Variants in TAS1R1 observed in about 807,000 individuals in gnomAD.
The protein encoded by TAS1R1 is taste 1 receptor member 1, also known as taste receptor type 1 member 1.
A neutral mutation model predicts 45.8 loss-of-function variants in TAS1R1; 31 were observed. The ratio of observed to expected loss-of-function variants is 0.68; its 90% CI spans 0.51 to 0.91. TAS1R1 has a LOEUF of 0.91. Ranked by LOEUF, TAS1R1 falls within the 40% of genes least tolerant of loss-of-function variation. The pLI, the probability that TAS1R1 is intolerant of heterozygous loss-of-function variation, is 0.00. For synonymous variants in TAS1R1, 437 were observed against 448.4 expected, an observed-to-expected ratio of 0.97 and a Z score of 0.32; for missense variants, 1,051 against 1,063.9, an observed-to-expected ratio of 0.99 and a Z score of 0.17.
Position 6,574,675 on chromosome 1 carries a change from G to C in TAS1R1, c.543G>C (p.Gln181His), listed in dbSNP as rs759371152. 8 of 1,613,780 alleles carry C rather than the reference G, an allele frequency of 5.0e-6. No individual in the cohort carries two copies. The highest frequency in any genetic ancestry group is 5.1e-6 in the Non-Finnish European group (6 of 1,179,744). Residue 181 changes from glutamine (Q) to histidine (H), a missense_variant, in exon 3 of 6, where the codon CAG becomes CAC. By Grantham distance (24) the Gln-to-His change is conservative. Transcript: ENST00000333172. This position sits in a 1 kb window ranked among gnomAD's most constrained non-coding sequence, Gnocchi z 4.3. ...GCGAGACGCTCAGCGTGAAGCGGCA[G>C]TATCCCTCTTTCCTGCGCACCATCC... ...ASSETLSVKR[Q>H]YPSFLRTIPN...
rs538239763 is a variant in TAS1R1, at chr1:6,570,232, G to T, written c.192-677G>T. Among the ~76,000 whole-genome samples the T allele has an allele frequency of 4.6e-5, 7 of 152,230 alleles. No homozygotes were observed. The South Asian group carries it at 1.5e-3, about 32-fold the overall frequency. ...AGCCCAGGCTTACAGACTAGGGGGT[G>T]TAAGTATATTTTAGGGAGTGGGGGC... On this transcript the variant is annotated intron_variant, in intron 1 of 5. Coordinates refer to ENST00000333172, the MANE Select transcript of TAS1R1 (RefSeq NM_138697.4).
At position 6,563,312 on chromosome 1, in the gene TAS1R1, T is replaced by C. The variant is rs145870015; in HGVS notation, c.192-7597T>C. On this transcript the variant is annotated intron_variant, in intron 1 of 5. Coordinates refer to ENST00000333172, the MANE Select transcript of TAS1R1 (RefSeq NM_138697.4). ...AAGTCAGACCTGAGGGCAGGTTGCA[T>C]TGGATACACACAGGGGCTTGGAAAG... Among the ~76,000 whole-genome samples, 79 of 152,298 alleles carry C rather than the reference T, an allele frequency of 5.2e-4. 2 individuals carry two copies. In the East Asian group the frequency reaches 0.015, roughly 29 times the overall value.
In TAS1R1 at chr1:6,574,560, A is replaced by G. The variant is rs1036883979; in HGVS notation, c.499-71A>G. On this transcript the variant is annotated intron_variant, in intron 2 of 5. Transcript: ENST00000333172. This position sits in a 1 kb window ranked among gnomAD's most constrained non-coding sequence, Gnocchi z 4.3. The stretch of plus-strand genomic sequence containing the variant: ...TCTCCCCGGCTCCCTGTATCCCCAC[A>G]CCCAGCACAGGGCCAGGCACTGGGG... 60 of 1,525,818 alleles carry G rather than the reference A, an allele frequency of 3.9e-5. No homozygotes were observed. In the South Asian group the frequency reaches 7.5e-4, roughly 19 times the overall value. The allele number at this position is 1,525,818 out of a possible 1,614,324, so 94.5% of individuals were successfully genotyped here.
At chr1:6,559,739 A>C (rs1412436708) in intron 1 of TAS1R1, among the ~76,000 whole-genome samples, 2 of 151,654 alleles carry the variant, frequency 1.3e-5, no homozygotes, top group African/African-American at 2.4e-5. Flanking sequence ...AGGCTGAAGC[A>C]GGTGGATCAC....
chr1:6,557,785 T>G (rs1465032200), intron 1 of TAS1R1, among the ~76,000 whole-genome samples: 1 of 152,110 alleles, frequency 6.6e-6, no homozygotes, highest in African/African-American at 2.4e-5. Flanking sequence ...TCCAGGCTAG[T>G]CTCCACCTCC....
At position 6,575,118 on chromosome 1, in the gene TAS1R1, G is replaced by GGGCT; in HGVS notation, c.988_991dup (p.Val331GlyfsTer9). 1 of 1,585,782 alleles carries GGGCT rather than the reference G, an allele frequency of 6.3e-7. No individual in the cohort carries two copies. Among genetic ancestry groups the GGGCT allele is most frequent in the Non-Finnish European group, 8.6e-7 (1 of 1,166,522 alleles). On this transcript the variant is annotated frameshift_variant, in exon 3 of 6. Coordinates refer to ENST00000333172, the MANE Select transcript of TAS1R1 (RefSeq NM_138697.4). LOFTEE classifies it high-confidence loss of function. The stretch of plus-strand genomic sequence containing the variant: ...GTGCTGGGCGTGGCCATCCAGAAGA[G>GGGCT]GGCTGTCCCTGGCCTGAAGGCGTTT...
chr1:6,567,466 A>T (rs1639894442), intron 1 of TAS1R1, among the ~76,000 whole-genome samples: 1 of 151,782 alleles, frequency 6.6e-6, no homozygotes, highest in Admixed American at 6.6e-5. Flanking sequence ...AGGCTGAGGC[A>T]GGAGAATGGT....
intron 1 of TAS1R1, among the ~76,000 whole-genome samples, chr1:6,566,082 T>C (rs187220362): frequency 6.6e-6 from 1 of 152,264 alleles, no homozygotes; most frequent in East Asian, 1.9e-4. Context: ...GAGAGTCTTC[T>C]AGGGAAGGAC....
At chr1:6,562,998 G>A (rs1487980936) in intron 1 of TAS1R1, among the ~76,000 whole-genome samples, 1 of 152,190 alleles carries the variant, frequency 6.6e-6, no homozygotes, top group Non-Finnish European at 1.5e-5. Flanking sequence ...ATCGTTTTGT[G>A]TCTACCAGGA....
chr1:6,571,320 T>G (rs1275794613), intron 2 of TAS1R1, 105 bp downstream of exon 2: 3 of 1,270,834 alleles, frequency 2.4e-6, no homozygotes, highest in Non-Finnish European at 3.2e-6. Context: ...GCCCCCTGGA[T>G]CTCTTGGGTG....
At chr1:6,575,884 CG>C (rs1640158979) in intron 3 of TAS1R1, among the ~76,000 whole-genome samples, 1 of 152,066 alleles carries the variant, frequency 6.6e-6, no homozygotes, top group African/African-American at 2.4e-5. Context: ...TGAGTAGAGA[CG>C]GGGTTTCACC....
chr1:6,578,497 G>A (rs1367583552), intron 5 of TAS1R1, among the ~76,000 whole-genome samples, 156 bp from the exon 6 acceptor site: 4 of 152,190 alleles, frequency 2.6e-5, no homozygotes, highest in Non-Finnish European at 4.4e-5. Context: ...GAGGAAATGC[G>A]TGGCCTCAGG....
intron 3 of TAS1R1, 80 bp downstream of exon 3, chr1:6,575,472 C>T (rs1332019368): frequency 1.1e-5 from 15 of 1,421,252 alleles, no homozygotes; most frequent in Non-Finnish European, 1.3e-5. Context: ...TCTCCGGTCA[C>T]TCTAAATGCC....
rs375786707 is a variant in TAS1R1 at position 6,571,003 on chromosome 1, A to G, written c.286A>G (p.Ile96Val). The G allele has an allele frequency of 5.0e-6, 8 of 1,614,032 alleles. No homozygotes were observed. Among genetic ancestry groups the G allele is most frequent in the Non-Finnish European group, 5.9e-6 (7 of 1,180,028 alleles). ...INNSTALLPN[I>V]TLGYQLYDVC... The stretch of plus-strand genomic sequence containing the variant: ...CAACTCCACGGCCCTGCTGCCCAAC[A>G]TCACCCTGGGGTACCAGCTGTATGA... The change falls in exon 2 of 6, where the codon ATC becomes GTC. Residue 96 changes from isoleucine (I) to valine (V), a missense_variant. By Grantham distance (29) the Ile-to-Val change is conservative. Coordinates refer to ENST00000333172, the MANE Select transcript of TAS1R1 (RefSeq NM_138697.4).
chr1:6,564,340 C>T (rs1244244421), intron 1 of TAS1R1, among the ~76,000 whole-genome samples: 2 of 151,956 alleles, frequency 1.3e-5, no homozygotes, highest in South Asian at 2.1e-4. Context: ...TCGGCTTGTT[C>T]GTGGAGAAGA....
Position 6,555,866 on chromosome 1 carries a change from C to CCTTTTTTTTTTTTTTTTTT in TAS1R1, c.191+302_191+303insCTTTTTTTTTTTTTTTTTT. Among the ~76,000 whole-genome samples, 2 of 95,304 alleles carry CCTTTTTTTTTTTTTTTTTT rather than the reference C, an allele frequency of 2.1e-5. 1 individual carries two copies. Among genetic ancestry groups the CCTTTTTTTTTTTTTTTTTT allele is most frequent in the Non-Finnish European group, 4.1e-5 (2 of 49,168 alleles). 62.5% of individuals were successfully genotyped at this position (95,304 alleles called of 152,430 possible). A position where few individuals can be genotyped will look rare whatever the true frequency, so the allele number is the denominator to read the frequency against. On this transcript the variant is annotated intron_variant, in intron 1 of 5. Coordinates refer to ENST00000333172, the MANE Select transcript of TAS1R1 (RefSeq NM_138697.4). ...AAGCAAGGGCAGCTTTTTCCCTCTT[C>CCTTTTTTTTTTTTTTTTTT]TTTTTTTTTTTTTTTTTTTTTTTGA...
At chr1:6,559,781 A>G (rs1351328760) in intron 1 of TAS1R1, among the ~76,000 whole-genome samples, 3 of 151,822 alleles carry the variant, frequency 2.0e-5, no homozygotes, top group African/African-American at 7.2e-5. Flanking sequence ...ACCTGAGGTC[A>G]GGAGTTCAAG....
intron 1 of TAS1R1, among the ~76,000 whole-genome samples, chr1:6,567,154 T>C (rs1323271769): frequency 6.6e-6 from 1 of 152,014 alleles, no homozygotes. Context: ...GAAAATGGTA[T>C]TGAATAGGGA....
At position 6,574,434 on chromosome 1, in the gene TAS1R1, C is replaced by G. The variant is rs1375216698; in HGVS notation, c.499-197C>G. Among the ~76,000 whole-genome samples the G allele has an allele frequency of 2.0e-5, 3 of 152,214 alleles. No individual in the cohort carries two copies. The highest frequency in any genetic ancestry group is 6.5e-5 in the Admixed American group (1 of 15,278). Reference sequence around the variant, plus strand: ...TTTGCTTGGAATGCATCCCCTCACCCCTTGTCCCCAGGCAGATTCCCACCC... The same window carrying G: ...TTTGCTTGGAATGCATCCCCTCACCGCTTGTCCCCAGGCAGATTCCCACCC... On this transcript the variant is annotated intron_variant, in intron 2 of 5. Transcript: ENST00000333172. The surrounding 1 kb of genome is among the most constrained non-coding windows in gnomAD (Gnocchi z 4.3).
Sources: allele counts gnomAD v4.1 joint callset (sites outside exome capture counted in the v4.1 genomes callset), GRCh38; gene constraint gnomAD v4.1.1; non-coding constraint Gnocchi (gnomAD v3.1); transcripts MANE v1.5; gene names NCBI Gene and HGNC (gene_info 2026-07-23, HGNC 2026-07-21).